SDK1: variants seen among roughly 807,000 people sequenced by gnomAD.
The protein encoded by SDK1 is protein sidekick-1.
Under a neutral mutation model 245.5 loss-of-function variants are expected in SDK1, and 157 were observed. The ratio of observed to expected loss-of-function variants is 0.64; its 90% CI spans 0.56 to 0.73. The LOEUF is 0.73. Among genes scored for constraint, SDK1 ranks in the 30% least tolerant of loss-of-function variants. SDK1 has a pLI of 0.00. For missense variants in SDK1, 3,583 were observed against 3,002.3 expected (o/e 1.19, Z -4.52); for synonymous variants, 1,647 against 1,278.5 (o/e 1.29, Z -6.15).
intron 1 of SDK1, among the ~76,000 whole-genome samples, chr7:3,331,665 C>G (rs1399263362): frequency 6.6e-6 from 1 of 152,116 alleles, no homozygotes; most frequent in Non-Finnish European, 1.5e-5. Flanking sequence ...CATATCTGAA[C>G]ACAAGTCTTT....
At chr7:3,628,389 T>A (rs1028062723) in intron 2 of SDK1, among the ~76,000 whole-genome samples, 25 of 152,180 alleles carry the variant, frequency 1.6e-4, no homozygotes, top group Non-Finnish European at 7.3e-5. Flanking sequence ...GTTCCCAGGC[T>A]GGCATATTTT....
chr7:3,507,776 G>T (rs562081182), intron 1 of SDK1, among the ~76,000 whole-genome samples: 2 of 152,190 alleles, frequency 1.3e-5, no homozygotes, highest in South Asian at 4.2e-4. Flanking sequence ...ATTAGCATTG[G>T]AATATGTGTT....
At chr7:3,934,627 C>T (rs1370187519) in intron 5 of SDK1, among the ~76,000 whole-genome samples, 7 of 152,346 alleles carry the variant, frequency 4.6e-5, no homozygotes, top group Admixed American at 4.6e-4. Context: ...TTGCCAGATG[C>T]TCTGAAGCAT....
intron 40 of SDK1, among the ~76,000 whole-genome samples, chr7:4,223,901 G>A (rs951063251): frequency 9.2e-5 from 14 of 152,146 alleles, no homozygotes; most frequent in Non-Finnish European, 1.3e-4. Context: ...GTGTCCTTAC[G>A]TTGAAATCAC....
At chr7:4,090,162 G>T (rs1312367199) in intron 22 of SDK1, among the ~76,000 whole-genome samples, 1 of 152,134 alleles carries the variant, frequency 6.6e-6, no homozygotes, top group African/African-American at 2.4e-5. Context: ...ACTTGACTGA[G>T]ATTTCTCCCC....
At chr7:3,383,313 AGATG>A (rs1237176876) in intron 1 of SDK1, among the ~76,000 whole-genome samples, 1 of 152,114 alleles carries the variant, frequency 6.6e-6, no homozygotes, top group Non-Finnish European at 1.5e-5. Context: ...AGGGAGACTG[AGATG>A]GAAGGATCAC....
chr7:3,535,345 G>C (rs982935356), intron 1 of SDK1, among the ~76,000 whole-genome samples: 3 of 152,116 alleles, frequency 2.0e-5, no homozygotes, highest in Admixed American at 6.5e-5. Context: ...TAATTTAAAA[G>C]TAAAACATAT....
At chr7:3,781,357 T>C (rs1174048026) in intron 4 of SDK1, among the ~76,000 whole-genome samples, 1 of 152,038 alleles carries the variant, frequency 6.6e-6, no homozygotes, top group African/African-American at 2.4e-5. Context: ...TTGTGAACTC[T>C]CATGAAGCTC....
At chr7:3,925,646 A>G (rs7784194) in intron 5 of SDK1, among the ~76,000 whole-genome samples, 62,744 of 152,166 alleles carry the variant, frequency 0.41, 15,868 homozygotes, top group African/African-American at 0.72. Flanking sequence ...GGCAGGCAGC[A>G]TGAGGCACAC....
intron 24 of SDK1, 107 bp downstream of exon 24, chr7:4,113,546 C>A: frequency 7.6e-7 from 1 of 1,310,724 alleles, no homozygotes; most frequent in South Asian, 1.4e-5. Flanking sequence ...TTGTCCTAGT[C>A]AAAACTAATC....
intron 21 of SDK1, among the ~76,000 whole-genome samples, chr7:4,077,789 C>T (rs552484424): frequency 1.3e-5 from 2 of 152,302 alleles, no homozygotes; most frequent in South Asian, 4.1e-4. Context: ...CCCCATGATT[C>T]AGTTACCTCC....
chr7:3,814,903 G>A (rs1779469786), intron 4 of SDK1, among the ~76,000 whole-genome samples: 1 of 152,032 alleles, frequency 6.6e-6, no homozygotes. Context: ...CTCATGATTT[G>A]GCTCTCTGTT....
At chr7:3,511,561 G>T (rs1213843026) in intron 1 of SDK1, among the ~76,000 whole-genome samples, 2 of 152,076 alleles carry the variant, frequency 1.3e-5, no homozygotes, top group African/African-American at 4.8e-5. Flanking sequence ...CAAAATGTTT[G>T]TTTAGCAGTT....
chr7:3,512,832 G>C (rs1234989020), intron 1 of SDK1, among the ~76,000 whole-genome samples: 1 of 151,952 alleles, frequency 6.6e-6, no homozygotes, highest in African/African-American at 2.4e-5. Flanking sequence ...TTAACGTCAC[G>C]ATGAAATCTT....
At chr7:3,902,533 A>C (rs142021091) in intron 5 of SDK1, among the ~76,000 whole-genome samples, 1 of 151,414 alleles carries the variant, frequency 6.6e-6, no homozygotes, top group Admixed American at 6.6e-5. Flanking sequence ...TCTTGCCTTA[A>C]TTTTTTTTTC....
chr7:4,086,135 C>A (rs1781414041), intron 22 of SDK1, among the ~76,000 whole-genome samples: 1 of 152,146 alleles, frequency 6.6e-6, no homozygotes, highest in Non-Finnish European at 1.5e-5. Flanking sequence ...GCCTTGCTGT[C>A]TTCCGGTGAC....
chr7:3,622,725 A>T (rs1414878024), intron 2 of SDK1, among the ~76,000 whole-genome samples: 2 of 152,210 alleles, frequency 1.3e-5, no homozygotes, highest in Non-Finnish European at 2.9e-5. Context: ...GTGACTCGTT[A>T]TATGTGGACT....
chr7:3,689,292 G>A lies in SDK1; in HGVS notation c.713+47187G>A, dbSNP rs112939814. Among the ~76,000 whole-genome samples the A allele has an allele frequency of 1.0e-3, 159 of 152,222 alleles. 1 individual carries two copies. The highest frequency in any genetic ancestry group is 2.6e-3 in the Admixed American group (40 of 15,298). The stretch of plus-strand genomic sequence containing the variant: ...ACCTCTCCCACAAAGATGTCAGCCC[G>A]AGCCATTGGAGCCTGCTATTCTCCC... On this transcript the variant is annotated intron_variant, in intron 4 of 44. Transcript: ENST00000404826.
At chr7:3,788,601 G>A (rs376787914) in intron 4 of SDK1, among the ~76,000 whole-genome samples, 29 of 152,230 alleles carry the variant, frequency 1.9e-4, no homozygotes, top group Middle Eastern at 3.4e-3. Flanking sequence ...CCTGGGCCAC[G>A]TTGGAAAAAG....
Sources: allele counts gnomAD v4.1 joint callset (sites outside exome capture counted in the v4.1 genomes callset), GRCh38; gene constraint gnomAD v4.1.1; transcripts MANE v1.5; gene names NCBI Gene and HGNC (gene_info 2026-07-23, HGNC 2026-07-21).